Variants in AFTPH observed in about 807,000 individuals in gnomAD.
The protein encoded by AFTPH is aftiphilin.
A neutral mutation model predicts 72.5 loss-of-function variants in AFTPH; 7 were observed. The observed-to-expected ratio is 0.10, with a 90% CI of 0.05 to 0.18. The LOEUF is 0.18. AFTPH is among the 10% of genes least tolerant of loss of function. The pLI, the probability that AFTPH is intolerant of heterozygous loss-of-function variation, is 1.00. For synonymous variants in AFTPH, 337 were observed against 370.1 expected (o/e 0.91, Z 1.03); for missense variants, 979 against 1,060.5 (o/e 0.92, Z 1.07).
intron 1 of AFTPH, among the ~76,000 whole-genome samples, chr2:64,529,977 A>G (rs1464803541): frequency 6.6e-6 from 1 of 152,112 alleles, no homozygotes; most frequent in Non-Finnish European, 1.5e-5. Flanking sequence ...AACATGGTGA[A>G]ACCCCGTCTC....
intron 1 of AFTPH, among the ~76,000 whole-genome samples, chr2:64,532,559 A>G (rs1300253510): frequency 6.6e-6 from 1 of 152,178 alleles, no homozygotes; most frequent in East Asian, 1.9e-4. Flanking sequence ...TTAAAGGATA[A>G]GGAGCTTTGT....
At chr2:64,559,322 TAGAG>T (rs747367618) in intron 2 of AFTPH, among the ~76,000 whole-genome samples, 2 of 151,746 alleles carry the variant, frequency 1.3e-5, no homozygotes, top group Admixed American at 6.6e-5. Flanking sequence ...GTGGAGGTAG[TAGAG>T]AGAGAGAGAT....
At chr2:64,524,369 C>CGCGGAGGAG in exon 1 of AFTPH, 2 of 402,484 alleles carry the variant, frequency 5.0e-6, no homozygotes, top group Admixed American at 8.8e-5. Flanking sequence ...GGGGGGTCTC[C>CGCGGAGGAG]GCGGAGGAGG....
rs995993080 is a variant in AFTPH, at chr2:64,531,080, A to C, written c.-33+6468A>C. On this transcript the variant is annotated intron_variant, in intron 1 of 8. Coordinates refer to ENST00000238856, the Ensembl canonical transcript of AFTPH. ...TCATCTCAAAAAAAAAAAAAAAAAA[A>C]ACACCACAAAATGAAAAAAACCATG... Among the ~76,000 whole-genome samples the C allele has an allele frequency of 5.5e-5, 8 of 144,236 alleles. No individual in the cohort carries two copies. In the South Asian group the frequency reaches 7.2e-4, roughly 13 times the overall value. 94.6% of individuals were successfully genotyped at this position (144,236 alleles called of 152,430 possible).
intron 6 of AFTPH, among the ~76,000 whole-genome samples, chr2:64,574,667 CA>C (rs1283257473): frequency 6.6e-6 from 1 of 152,190 alleles, no homozygotes; most frequent in East Asian, 1.9e-4. Context: ...ACTTTGAAGC[CA>C]GCTTATTACT....
At chr2:64,557,270 T>C (rs987924373) in intron 2 of AFTPH, among the ~76,000 whole-genome samples, 1 of 152,228 alleles carries the variant, frequency 6.6e-6, no homozygotes, top group Non-Finnish European at 1.5e-5. Context: ...GGATATCATT[T>C]AGAAATTTAG....
chr2:64,580,710 G>A (rs550442230), intron 7 of AFTPH: 1 of 152,846 alleles, frequency 6.5e-6, no homozygotes, highest in African/African-American at 2.4e-5. Context: ...TTTAAACTAA[G>A]TTAACACATT....
At chr2:64,556,145 G>A (rs1425828078) in intron 2 of AFTPH, among the ~76,000 whole-genome samples, 3 of 151,922 alleles carry the variant, frequency 2.0e-5, no homozygotes, top group Non-Finnish European at 2.9e-5. Flanking sequence ...ATGCCACCAC[G>A]CCCGGCTAAT....
chr2:64,530,270 G>A (rs749922303), intron 1 of AFTPH, among the ~76,000 whole-genome samples: 3 of 152,138 alleles, frequency 2.0e-5, no homozygotes, highest in Non-Finnish European at 2.9e-5. Flanking sequence ...ACTTGTTGTA[G>A]TGTTTTGTAG....
In AFTPH at chr2:64,550,041, C is replaced by T. The variant is rs917681035; in HGVS notation, c.-32-1402C>T. On this transcript the variant is annotated intron_variant, in intron 1 of 8. Transcript: ENST00000238856. ...GTTTCTTATAAAGTTGAGCATGCTA[C>T]ATGACGCAGCATTCACACTCCTGGG... 6.2e-4 allele frequency among the ~76,000 whole-genome samples: 95 copies of T among 152,104 alleles called. 1 individual carries two copies. The highest frequency in any genetic ancestry group is 8.1e-4 in the Non-Finnish European group (55 of 68,016).
At chr2:64,558,480 C>T (rs1833450) in intron 2 of AFTPH, among the ~76,000 whole-genome samples, 72,147 of 151,974 alleles carry the variant, frequency 0.47, 18,669 homozygotes, top group African/African-American at 0.71. Context: ...GAGCTATGCT[C>T]ACATTTAAGA....
intron 2 of AFTPH, among the ~76,000 whole-genome samples, chr2:64,555,539 C>T (rs1187910048): frequency 6.8e-6 from 1 of 146,100 alleles, no homozygotes; most frequent in Non-Finnish European, 1.5e-5. Flanking sequence ...TCAGGCTAGG[C>T]TACAGAGAGA....
rs1360576082 is a variant in AFTPH, at chr2:64,552,688, A to G, written c.1214A>G (p.Asp405Gly). ...AACATTGACCCCACAGAAGAAAATG[A>G]TTTGGATGATTCTTTAAGTGTAAAA... Residue 405 changes from aspartate to glycine, a missense_variant, in exon 2 of 9, where the codon GAT (aspartate) becomes GGT (glycine). This residue lies in a region of AFTPH where 498 missense variants were observed against 467.6 expected (regional missense o/e 1.06). Transcript: ENST00000238856. 3 of 1,614,174 alleles carry G rather than the reference A, an allele frequency of 1.9e-6. No individual in the cohort carries two copies. The African/African-American group carries it at 4.0e-5, about 22-fold the overall frequency.
intron 8 of AFTPH, among the ~76,000 whole-genome samples, chr2:64,590,697 T>C (rs1673777364): frequency 6.6e-6 from 1 of 152,292 alleles, no homozygotes; most frequent in Non-Finnish European, 1.5e-5. Context: ...TTGGTTCATC[T>C]GCTATATGCC....
chr2:64,585,021 A>T (rs943209857), intron 7 of AFTPH, among the ~76,000 whole-genome samples: 6 of 152,216 alleles, frequency 3.9e-5, no homozygotes, highest in Admixed American at 1.3e-4. Flanking sequence ...GAAAATTTTT[A>T]AAATGAGATT....
chr2:64,579,667 A>G, intron 7 of AFTPH, 121 bp downstream of exon 7: 1 of 844,898 alleles, frequency 1.2e-6, no homozygotes, highest in Admixed American at 2.5e-5. Context: ...TTATCTTTGG[A>G]AATTCAGGCT....
chr2:64,576,431 C>T (rs1051765191), intron 6 of AFTPH, among the ~76,000 whole-genome samples: 28 of 151,940 alleles, frequency 1.8e-4, no homozygotes, highest in Admixed American at 1.3e-4. Flanking sequence ...ATTCATTGAT[C>T]TTATAACTAT....
chr2:64,576,283 T>C lies in AFTPH; in HGVS notation c.2395-3203T>C, dbSNP rs183659690. On this transcript the variant is annotated intron_variant, in intron 6 of 8. Coordinates refer to ENST00000238856, the Ensembl canonical transcript of AFTPH. The stretch of plus-strand genomic sequence containing the variant: ...TTCCTACGCCCCTAGCCTTTAGTGC[T>C]AGAAGCAACAGTGGCTTTCAAACTT... Among the ~76,000 whole-genome samples, 131 of 151,994 alleles carry C rather than the reference T, an allele frequency of 8.6e-4. 2 individuals are homozygous for C. The highest frequency in any genetic ancestry group is 3.0e-3 in the African/African-American group (125 of 41,494).
chr2:64,549,062 C>T (rs1330619502), intron 1 of AFTPH, among the ~76,000 whole-genome samples: 2 of 152,142 alleles, frequency 1.3e-5, no homozygotes, highest in African/African-American at 4.8e-5. Context: ...GGGAAAGTTA[C>T]TCACTAGTTG....
Sources: gnomAD v4.1 joint callset for allele counts (sites outside exome capture counted in the v4.1 genomes callset) on GRCh38, gnomAD v4.1.1 for gene constraint, gnomAD v4.1.1 regional missense constraint, MANE v1.5 for transcripts, NCBI Gene and HGNC (gene_info 2026-07-23, HGNC 2026-07-21) for gene names.